Variants in ZMYM4 observed in about 807,000 individuals in gnomAD.
The protein encoded by ZMYM4 is zinc finger MYM-type containing 4.
In ZMYM4, 31 loss-of-function variants were observed where a neutral mutation model predicts 183.2. The observed-to-expected ratio is 0.17, with a 90% CI of 0.13 to 0.23. The LOEUF (loss-of-function observed/expected upper bound fraction) is 0.23. ZMYM4 is among the 10% of genes least tolerant of loss of function. ZMYM4 has a pLI of 1.00. For missense variants in ZMYM4, 1,273 were observed against 1,840.3 expected (o/e 0.69, Z 5.64); for synonymous variants, 592 against 631.2 (o/e 0.94, Z 0.93).
chr1:35,334,547 A>G (rs988907790), intron 2 of ZMYM4, among the ~76,000 whole-genome samples: 1 of 152,184 alleles, frequency 6.6e-6, no homozygotes, highest in Non-Finnish European at 1.5e-5. Flanking sequence ...TTGTCTAGTA[A>G]TAAATATTTG....
At chr1:35,293,861 T>G (rs1330941475) in intron 1 of ZMYM4, among the ~76,000 whole-genome samples, 6 of 152,116 alleles carry the variant, frequency 3.9e-5, no homozygotes, top group Admixed American at 3.9e-4. Context: ...TTGAATTATT[T>G]AAGAATCAGG....
chr1:35,274,102 T>C (rs918199643), intron 1 of ZMYM4, among the ~76,000 whole-genome samples: 1 of 152,240 alleles, frequency 6.6e-6, no homozygotes, highest in Non-Finnish European at 1.5e-5. Flanking sequence ...TTCTCTTTTC[T>C]GTCTTTTTGC....
intron 2 of ZMYM4, among the ~76,000 whole-genome samples, chr1:35,341,475 AGTT>A (rs1384236206): frequency 2.0e-5 from 3 of 151,944 alleles, no homozygotes; most frequent in African/African-American, 7.2e-5. Flanking sequence ...TTCTTGTATC[AGTT>A]GTTCTTTAGT....
chr1:35,337,551 C>T (rs907814374), intron 2 of ZMYM4, among the ~76,000 whole-genome samples: 2 of 152,078 alleles, frequency 1.3e-5, no homozygotes, highest in African/African-American at 4.8e-5. Context: ...CAGAGGTTGG[C>T]AAACTTTTTC....
At chr1:35,272,192 T>G (rs181891444) in intron 1 of ZMYM4, among the ~76,000 whole-genome samples, 129 of 152,304 alleles carry the variant, frequency 8.5e-4, no homozygotes, top group African/African-American at 2.9e-3. Context: ...TTGAGGGAGT[T>G]GAAACAAACT....
chr1:35,369,324 T>G (rs1390761222), intron 5 of ZMYM4, among the ~76,000 whole-genome samples: 1 of 152,160 alleles, frequency 6.6e-6, no homozygotes, highest in Non-Finnish European at 1.5e-5. Context: ...ACTCATGACT[T>G]AAAATACGTG....
intron 2 of ZMYM4, among the ~76,000 whole-genome samples, chr1:35,353,285 C>A (rs1643696389): frequency 6.6e-6 from 1 of 152,214 alleles, no homozygotes; most frequent in Non-Finnish European, 1.5e-5. Flanking sequence ...CTTCCTGCTT[C>A]CATTCTTCTT....
Position 35,393,690 on chromosome 1 carries a change from T to C in ZMYM4, c.2862T>C (p.Thr954=), listed in dbSNP as rs1475712665. Residue 954 remains threonine, a synonymous_variant, in exon 18 of 30, where the codon ACT becomes ACC. Coordinates refer to ENST00000314607, the MANE Select transcript of ZMYM4 (RefSeq NM_005095.3). ...KALLCKPITQ[T]KATSCKPHTQ... is the part of the protein sequence containing the mutation. ...TATTATGCAAACCCATCACACAGAC[T>C]AAAGCCACCTCTTGCAAACCACATA... The C allele has an allele frequency of 6.2e-7, 1 of 1,611,604 alleles. No homozygotes were observed. Among genetic ancestry groups the C allele is most frequent in the Admixed American group, 1.7e-5 (1 of 59,916 alleles).
At chr1:35,419,195 A>T (rs1640237966) in intron 29 of ZMYM4, among the ~76,000 whole-genome samples, 1 of 152,096 alleles carries the variant, frequency 6.6e-6, no homozygotes, top group South Asian at 2.1e-4. Flanking sequence ...CTTTATACTC[A>T]CTTCCAATCC....
At chr1:35,335,239 ATT>A (rs200810022) in intron 2 of ZMYM4, among the ~76,000 whole-genome samples, 1 of 137,518 alleles carries the variant, frequency 7.3e-6, no homozygotes, top group Admixed American at 7.1e-5. Flanking sequence ...TCCCTATTGC[ATT>A]TTTTTTTTTT....
At chr1:35,385,704 G>C (rs1644560804) in intron 10 of ZMYM4, 112 bp downstream of exon 10, 1 of 1,244,640 alleles carries the variant, frequency 8.0e-7, no homozygotes, top group South Asian at 1.8e-5. Flanking sequence ...ACATATTTCA[G>C]ATATTTGTTG....
At chr1:35,399,278 A>G (rs1000201547) in intron 22 of ZMYM4, among the ~76,000 whole-genome samples, 1 of 152,148 alleles carries the variant, frequency 6.6e-6, no homozygotes, top group Admixed American at 6.5e-5. Context: ...CGTAGTAGCT[A>G]TATAAGAGGT....
At position 35,368,152 on chromosome 1, in the gene ZMYM4, A is replaced by AT. The variant is rs528046111; in HGVS notation, c.841-1875dup. ...CATTGCCACATTCATTCATTTACAT[A>AT]TTATGTGGGTGCTTTTGCTCCACCA... On this transcript the variant is annotated intron_variant, in intron 5 of 29. Transcript: ENST00000314607. 3.0e-4 allele frequency among the ~76,000 whole-genome samples: 43 copies of AT among 141,932 alleles called. No homozygotes were observed. The East Asian group carries it at 8.3e-3, about 27-fold the overall frequency. The allele number at this position is 141,932 out of a possible 152,430, so 93.1% of individuals were successfully genotyped here. A position where few individuals can be genotyped will look rare whatever the true frequency, so the allele number is the denominator to read the frequency against.
chr1:35,303,621 G>A (rs1166847755), intron 1 of ZMYM4, among the ~76,000 whole-genome samples: 1 of 152,100 alleles, frequency 6.6e-6, no homozygotes. Flanking sequence ...GGCCAGGCTG[G>A]TCTCAAACTC....
intron 5 of ZMYM4, among the ~76,000 whole-genome samples, chr1:35,369,375 A>T (rs934658260): frequency 3.3e-5 from 5 of 152,140 alleles, no homozygotes; most frequent in Non-Finnish European, 5.9e-5. Context: ...ACAAAATTTA[A>T]ACAGCATTCT....
chr1:35,387,710 G>A (rs138160575), intron 13 of ZMYM4, 106 bp downstream of exon 13: 1 of 1,239,760 alleles, frequency 8.1e-7, no homozygotes, highest in African/African-American at 1.5e-5. Flanking sequence ...TATTGTTTAT[G>A]TATAACGTAA....
rs542216903 is a variant in ZMYM4 at position 35,402,975 on chromosome 1, A to G, written c.3529-2048A>G. Reference sequence around the variant, plus strand: ...ACCTTACGGTGAAAAAAGTCTTGCAACAGAAAGTATGATGTTACCTGTAGG... The same window carrying G: ...ACCTTACGGTGAAAAAAGTCTTGCAGCAGAAAGTATGATGTTACCTGTAGG... On this transcript the variant is annotated intron_variant, in intron 23 of 29. Coordinates refer to ENST00000314607, the MANE Select transcript of ZMYM4 (RefSeq NM_005095.3). Among the ~76,000 whole-genome samples, 462 of 152,314 alleles carry G rather than the reference A, an allele frequency of 3.0e-3. 1 individual carries two copies. The highest frequency in any genetic ancestry group is 4.3e-3 in the Non-Finnish European group (294 of 68,028).
chr1:35,311,708 G>A (rs74822277), intron 1 of ZMYM4, among the ~76,000 whole-genome samples: 1,573 of 152,144 alleles, frequency 0.01, 26 homozygotes, highest in African/African-American at 0.035. Flanking sequence ...ATTGAAAACC[G>A]TGTAATATTT....
At chr1:35,357,569 T>A (rs1643864008) in intron 2 of ZMYM4, among the ~76,000 whole-genome samples, 1 of 152,094 alleles carries the variant, frequency 6.6e-6, no homozygotes. Context: ...AGGTGCTAAG[T>A]GGAAAAGATG....
Sources: gnomAD v4.1 joint callset for allele counts (sites outside exome capture counted in the v4.1 genomes callset) on GRCh38, gnomAD v4.1.1 for gene constraint, MANE v1.5 for transcripts, NCBI Gene and HGNC (gene_info 2026-07-23, HGNC 2026-07-21) for gene names.